Variants in IQGAP2 observed in about 807,000 individuals in gnomAD.
The protein encoded by IQGAP2 is ras GTPase-activating-like protein IQGAP2.
IQGAP2 carries 173 observed loss-of-function variants against 201.3 expected under a neutral mutation model. The observed-to-expected ratio is 0.86, with a 90% CI of 0.76 to 0.98. IQGAP2 has a LOEUF of 0.98. Ranked by LOEUF, IQGAP2 falls within the 50% of genes least tolerant of loss-of-function variation. The probability of loss-of-function intolerance (pLI) is 0.00; values close to 1 mark genes in which losing one functional copy is unlikely to be tolerated. For synonymous variants in IQGAP2, 675 were observed against 673.9 expected, an observed-to-expected ratio of 1.00 and a Z score of -0.03; for missense variants, 1,687 against 1,864.8, an observed-to-expected ratio of 0.90 and a Z score of 1.76.
intron 28 of IQGAP2, 47 bp downstream of exon 28, chr5:76,677,397 G>A (rs1744917572): frequency 6.3e-7 from 1 of 1,587,200 alleles, no homozygotes; most frequent in South Asian, 1.1e-5. Flanking sequence ...CATGATTTAG[G>A]CATCTGTTAT....
chr5:76,608,881 A>G lies in IQGAP2; in HGVS notation c.1358-2139A>G, dbSNP rs569874419. ...TTACCTCATCTGCTGCCTCAAATAC[A>G]TGAACTCTAAAAGAACGCCCACTCT... On this transcript the variant is annotated intron_variant, in intron 12 of 35. Transcript: ENST00000274364. 7.0e-5 allele frequency: 31 copies of G among 443,196 alleles called. No individual in the cohort carries two copies. In the South Asian group the frequency reaches 8.2e-4, roughly 12 times the overall value. The allele number at this position is 443,196 out of a possible 1,614,324, so 27.5% of individuals were successfully genotyped here.
chr5:76,650,384 G>A (rs779434965), intron 17 of IQGAP2, among the ~76,000 whole-genome samples: 2 of 152,164 alleles, frequency 1.3e-5, no homozygotes, highest in Non-Finnish European at 2.9e-5. Context: ...AGGTACACAG[G>A]TATGTATACC....
intron 33 of IQGAP2, 43 bp from the exon 34 acceptor site, chr5:76,701,033 A>C: frequency 6.2e-7 from 1 of 1,607,618 alleles, no homozygotes; most frequent in Non-Finnish European, 8.5e-7. Flanking sequence ...AAGCCTCTGC[A>C]TTTGCCATCA....
At chr5:76,537,172 C>A (rs1360630412) in intron 2 of IQGAP2, among the ~76,000 whole-genome samples, 1 of 152,178 alleles carries the variant, frequency 6.6e-6, no homozygotes, top group Non-Finnish European at 1.5e-5. Flanking sequence ...ACTCAGAGCC[C>A]TGATATTTGC....
chr5:76,535,247 T>G (rs1162959095), intron 2 of IQGAP2, among the ~76,000 whole-genome samples: 1 of 151,766 alleles, frequency 6.6e-6, no homozygotes, highest in African/African-American at 2.4e-5. Flanking sequence ...CAAGAGTGAA[T>G]CCAGAAAAAA....
chr5:76,697,679 C>T (rs760473767), intron 32 of IQGAP2, among the ~76,000 whole-genome samples: 2 of 152,068 alleles, frequency 1.3e-5, no homozygotes, highest in Non-Finnish European at 2.9e-5. Context: ...ACTTTGTGCC[C>T]CTTTTAAAAC....
Position 76,674,628 on chromosome 5 carries a change from C to G in IQGAP2, c.3446C>G (p.Ala1149Gly), listed in dbSNP as rs777067440. Residue 1149 changes from alanine (A) to glycine (G), a missense_variant, in exon 27 of 36, where the codon GCC (alanine) becomes GGC (glycine). Coordinates refer to ENST00000274364, the MANE Select transcript of IQGAP2 (RefSeq NM_006633.5). The part of the protein sequence containing the change: ...GSVAKVLQHA[A>G]SNKLFEGENE... ...GTGGCCAAGGTTCTTCAGCACGCAGCCTCCAACAAGCTGTTTGAAGGAGAA... is the reference window on the plus strand; with the variant it reads ...GTGGCCAAGGTTCTTCAGCACGCAGGCTCCAACAAGCTGTTTGAAGGAGAA... 1.9e-6 allele frequency: 3 copies of G among 1,614,132 alleles called. No homozygotes were observed. In the South Asian group the frequency reaches 3.3e-5, roughly 18 times the overall value.
intron 2 of IQGAP2, among the ~76,000 whole-genome samples, chr5:76,474,425 A>G (rs1001297966): frequency 1.3e-5 from 2 of 152,228 alleles, no homozygotes; most frequent in African/African-American, 4.8e-5. Context: ...TTAGCCATTC[A>G]TATGTTCTTG....
At chr5:76,551,310 A>T (rs1580437175) in intron 2 of IQGAP2, among the ~76,000 whole-genome samples, 2 of 150,668 alleles carry the variant, frequency 1.3e-5, no homozygotes, top group East Asian at 4.0e-4. Flanking sequence ...GGCCGGGCAG[A>T]GATGCTCCTC....
chr5:76,591,078 C>T (rs1354525223), intron 8 of IQGAP2, among the ~76,000 whole-genome samples: 1 of 152,152 alleles, frequency 6.6e-6, no homozygotes, highest in African/African-American at 2.4e-5. Context: ...GCCTGGGCAA[C>T]AGACTGAGAC....
chr5:76,457,001 C>G (rs1754125049), intron 1 of IQGAP2, among the ~76,000 whole-genome samples: 1 of 151,850 alleles, frequency 6.6e-6, no homozygotes. Flanking sequence ...TTCTTTCTTT[C>G]TTTTTTGAGA....
chr5:76,494,947 C>G lies in IQGAP2; in HGVS notation c.146+33278C>G, dbSNP rs144729065. Among the ~76,000 whole-genome samples, 186 of 152,282 alleles carry G rather than the reference C, an allele frequency of 1.2e-3. 1 individual carries two copies. Among genetic ancestry groups the G allele is most frequent in the African/African-American group, 4.4e-3 (181 of 41,558 alleles). On this transcript the variant is annotated intron_variant, in intron 2 of 35. Transcript: ENST00000274364. ...TTTTAAATTCCCAGCTGGAAAGTTT[C>G]CATTTAGACTGTGAGGGTGTTTTCT... is the stretch of plus-strand genomic sequence containing the variant.
intron 2 of IQGAP2, among the ~76,000 whole-genome samples, chr5:76,471,528 C>T (rs1183805281): frequency 1.3e-5 from 2 of 152,092 alleles, no homozygotes; most frequent in African/African-American, 4.8e-5. Context: ...GGTGTGATTC[C>T]TTTTGTGTCA....
chr5:76,414,112 A>C (rs1751287215), intron 1 of IQGAP2, among the ~76,000 whole-genome samples: 1 of 152,244 alleles, frequency 6.6e-6, no homozygotes, highest in African/African-American at 2.4e-5. Context: ...TTTTAAAAAA[A>C]TTCTAGTACT....
chr5:76,565,779 T>G (rs1580470998), intron 3 of IQGAP2, among the ~76,000 whole-genome samples: 1 of 152,172 alleles, frequency 6.6e-6, no homozygotes, highest in African/African-American at 2.4e-5. Flanking sequence ...CTTTATTTGG[T>G]ACATACTCAG....
At chr5:76,421,907 T>G (rs1580156068) in intron 1 of IQGAP2, among the ~76,000 whole-genome samples, 1 of 152,190 alleles carries the variant, frequency 6.6e-6, no homozygotes, top group Admixed American at 6.5e-5. Flanking sequence ...GAACAAGGTC[T>G]TAACTTCCCT....
rs145871068 is a variant in IQGAP2 at position 76,484,542 on chromosome 5, G to A, written c.146+22873G>A. Among the ~76,000 whole-genome samples, 40 of 152,134 alleles carry A rather than the reference G, an allele frequency of 2.6e-4. No individual in the cohort carries two copies. The East Asian group carries it at 6.0e-3, about 23-fold the overall frequency. On this transcript the variant is annotated intron_variant, in intron 2 of 35. Transcript: ENST00000274364. ...CTATAAAGCAATCACTAAATATATC[G>A]GGCTATGAAGCACTTTTCCTTTAAA...
At chr5:76,492,397 C>G (rs7707762) in intron 2 of IQGAP2, among the ~76,000 whole-genome samples, 18,152 of 152,208 alleles carry the variant, frequency 0.12, 1,380 homozygotes, top group Middle Eastern at 0.21. Context: ...GGAAAGGTAG[C>G]ACTGGGATAT....
At chr5:76,583,806 T>C (rs1476058216) in intron 5 of IQGAP2, among the ~76,000 whole-genome samples, 2 of 152,264 alleles carry the variant, frequency 1.3e-5, no homozygotes, top group Admixed American at 6.5e-5. Flanking sequence ...TTTTACTTCA[T>C]GTTATCATCA....
Sources: allele counts gnomAD v4.1 joint callset (sites outside exome capture counted in the v4.1 genomes callset), GRCh38; gene constraint gnomAD v4.1.1; transcripts MANE v1.5; gene names NCBI Gene and HGNC (gene_info 2026-07-23, HGNC 2026-07-21).